Variants in GHR observed in about 807,000 individuals in gnomAD.
GHR encodes the protein growth hormone receptor, also known as GH receptor.
A neutral mutation model predicts 67.1 loss-of-function variants in GHR; 35 were observed. That is an observed-to-expected ratio of 0.52 (90% CI 0.40 to 0.69). The LOEUF is 0.69. Ranked by LOEUF, GHR falls within the 30% of genes least tolerant of loss-of-function variation. GHR has a pLI of 0.00. For missense variants in GHR, 792 were observed against 764.6 expected (o/e 1.04, Z -0.42); for synonymous variants, 272 against 269.1 (o/e 1.01, Z -0.10).
intron 5 of GHR, among the ~76,000 whole-genome samples, chr5:42,697,325 T>C (rs993023307): frequency 6.6e-6 from 1 of 152,184 alleles, no homozygotes; most frequent in Non-Finnish European, 1.5e-5. Flanking sequence ...CAGTCAATGT[T>C]CTCCATGCTG....
At chr5:42,517,171 C>T (rs764665561) in intron 1 of GHR, among the ~76,000 whole-genome samples, 39 of 152,060 alleles carry the variant, frequency 2.6e-4, no homozygotes, top group Admixed American at 3.3e-4. Flanking sequence ...CTAAGAATGA[C>T]ATTTACTGTG....
intron 1 of GHR, among the ~76,000 whole-genome samples, chr5:42,560,911 A>G (rs1579940256): frequency 1.3e-5 from 2 of 152,210 alleles, no homozygotes; most frequent in East Asian, 1.9e-4. Flanking sequence ...AGAAGTCATG[A>G]AGGGCGGCTG....
At chr5:42,545,890 T>G (rs942509054) in intron 1 of GHR, among the ~76,000 whole-genome samples, 1 of 152,196 alleles carries the variant, frequency 6.6e-6, no homozygotes, top group Non-Finnish European at 1.5e-5. Flanking sequence ...GTATCACCTA[T>G]TTTTTATTAA....
At chr5:42,549,417 T>A (rs1010464921) in intron 1 of GHR, 1 of 152,242 alleles carries the variant, frequency 6.6e-6, no homozygotes, top group African/African-American at 2.4e-5. Context: ...GATGACAATA[T>A]CACTGATTCC....
At chr5:42,686,100 T>C (rs1242226504) in intron 3 of GHR, among the ~76,000 whole-genome samples, 1 of 152,216 alleles carries the variant, frequency 6.6e-6, no homozygotes, top group Non-Finnish European at 1.5e-5. Flanking sequence ...CTTTAATCCA[T>C]CTTGAGTTAA....
chr5:42,684,537 G>A (rs919273351), intron 3 of GHR, among the ~76,000 whole-genome samples: 5 of 152,156 alleles, frequency 3.3e-5, no homozygotes, highest in African/African-American at 1.2e-4. Context: ...GTGCTTTACT[G>A]TATGAGAGGT....
At chr5:42,567,081 T>C (rs1749985125) in intron 2 of GHR, among the ~76,000 whole-genome samples, 1 of 152,212 alleles carries the variant, frequency 6.6e-6, no homozygotes, top group Admixed American at 6.5e-5. Context: ...AATTGCAGGC[T>C]CCATTTCAGC....
chr5:42,695,146 G>T (rs1369786967), intron 5 of GHR, 57 bp downstream of exon 5: 1 of 1,179,996 alleles, frequency 8.5e-7, no homozygotes, highest in African/African-American at 1.5e-5. Context: ...AAATGGGGAA[G>T]CCTGCAAGGT....
At chr5:42,705,010 A>T (rs1758108550) in intron 6 of GHR, among the ~76,000 whole-genome samples, 2 of 152,128 alleles carry the variant, frequency 1.3e-5, no homozygotes, top group Non-Finnish European at 1.5e-5. Context: ...ACTGAAAAGC[A>T]CATTAAAAGG....
At chr5:42,542,816 A>C (rs1273902323) in intron 1 of GHR, among the ~76,000 whole-genome samples, 1 of 152,006 alleles carries the variant, frequency 6.6e-6, no homozygotes, top group African/African-American at 2.4e-5. Context: ...TCCAGTGTCC[A>C]TTATATCACT....
chr5:42,525,445 T>C lies in GHR; in HGVS notation c.-11-40419T>C, dbSNP rs535614024. 2.0e-4 allele frequency among the ~76,000 whole-genome samples: 31 copies of C among 152,354 alleles called. 1 individual carries two copies. In the South Asian group the frequency reaches 4.1e-3, roughly 20 times the overall value. ...AGCTGTATTTACCCAATACCTGTTG[T>C]ATCTAGGAAGTAACTAGCTTGCTTC... is the stretch of plus-strand genomic sequence containing the variant. On this transcript the variant is annotated intron_variant, in intron 1 of 9. Transcript: ENST00000230882.
Position 42,423,493 on chromosome 5 carries a change from G to T in GHR, c.-474G>T, listed in dbSNP as rs1017604190. ...TCCTCGCCGGGAAGACTTCATCCCA[G>T]CAACTCGGAATGCTTGGCCCGGGCG... is the stretch of plus-strand genomic sequence containing the variant. On this transcript the variant is annotated 5_prime_UTR_variant, in exon 1 of 10. Transcript: ENST00000230882. Among the ~76,000 whole-genome samples, 1 of 152,216 alleles carries T rather than the reference G, an allele frequency of 6.6e-6. No homozygotes were observed. Among genetic ancestry groups the T allele is most frequent in the Non-Finnish European group, 1.5e-5 (1 of 68,050 alleles).
At chr5:42,640,090 C>A (rs374651505) in intron 3 of GHR, among the ~76,000 whole-genome samples, 1 of 152,174 alleles carries the variant, frequency 6.6e-6, no homozygotes, top group African/African-American at 2.4e-5. Flanking sequence ...GATGCATTTT[C>A]TCTTTTGGGA....
intron 1 of GHR, among the ~76,000 whole-genome samples, chr5:42,564,693 T>A (rs537530655): frequency 1.3e-5 from 2 of 152,256 alleles, no homozygotes; most frequent in South Asian, 4.1e-4. Flanking sequence ...GGGGGCCACA[T>A]CTGTAGGCCC....
intron 2 of GHR, among the ~76,000 whole-genome samples, chr5:42,595,269 G>C (rs776035307): frequency 3.9e-5 from 6 of 152,154 alleles, no homozygotes; most frequent in Non-Finnish European, 8.8e-5. Flanking sequence ...AGAACATACT[G>C]TTTCATTTTA....
rs554276383 is a variant in GHR at position 42,709,784 on chromosome 5, T to A, written c.619-1423T>A. Reference sequence around the variant, plus strand: ...GACTTAGAATACCAGCTCTCCTCAATACTTGCACTTAGACTTGGATGAGAA... The same window carrying A: ...GACTTAGAATACCAGCTCTCCTCAAAACTTGCACTTAGACTTGGATGAGAA... On this transcript the variant is annotated intron_variant, in intron 6 of 9. Transcript: ENST00000230882. Among the ~76,000 whole-genome samples the A allele has an allele frequency of 5.3e-5, 8 of 152,206 alleles. No homozygotes were observed. The South Asian group carries it at 1.7e-3, about 32-fold the overall frequency.
At chr5:42,502,112 G>A (rs764006074) in intron 1 of GHR, among the ~76,000 whole-genome samples, 54 of 152,182 alleles carry the variant, frequency 3.5e-4, no homozygotes, top group Non-Finnish European at 7.1e-4. Flanking sequence ...AGCAGAGAGG[G>A]ACCTCAGCTC....
intron 1 of GHR, chr5:42,468,072 C>T: frequency 1.0e-6 from 1 of 974,474 alleles, no homozygotes; most frequent in Non-Finnish European, 1.6e-6. Context: ...CGGGGGTTTT[C>T]AGCTTCCTCA....
chr5:42,654,715 G>A (rs1229231592), intron 3 of GHR, among the ~76,000 whole-genome samples: 1 of 152,150 alleles, frequency 6.6e-6, no homozygotes, highest in East Asian at 1.9e-4. Context: ...GCCTGAGGTG[G>A]AGTTCAGGGG....
Sources: gnomAD v4.1 joint callset for allele counts (sites outside exome capture counted in the v4.1 genomes callset) on GRCh38, gnomAD v4.1.1 for gene constraint, MANE v1.5 for transcripts, NCBI Gene and HGNC (gene_info 2026-07-23, HGNC 2026-07-21) for gene names.